LRRC27: variants seen among roughly 807,000 people sequenced by gnomAD.
LRRC27 encodes the protein leucine rich repeat containing 27.
In LRRC27, 57 loss-of-function variants were observed where a neutral mutation model predicts 55.0. The observed-to-expected ratio is 1.04, with a 90% CI of 0.84 to 1.29. LRRC27 has a LOEUF of 1.29. Ranked by LOEUF, LRRC27 falls within the 50% of genes most tolerant of loss-of-function variation. The pLI, the probability that LRRC27 is intolerant of heterozygous loss-of-function variation, is 0.00. For synonymous variants in LRRC27, 278 were observed against 251.9 expected (o/e 1.10, Z -0.98); for missense variants, 721 against 651.5 (o/e 1.11, Z -1.16).
chr10:132,335,330 G>C (rs1485074218), intron 2 of LRRC27: 1 of 152,200 alleles, frequency 6.6e-6, no homozygotes, highest in Non-Finnish European at 1.5e-5. Context: ...GTTGGGTAGG[G>C]GCTGTAGGGC....
rs934584572 is a variant in LRRC27, at chr10:132,353,588, C to T, written c.1073+1835C>T. 7.2e-5 allele frequency among the ~76,000 whole-genome samples: 11 copies of T among 152,322 alleles called. No homozygotes were observed. The Middle Eastern group carries it at 0.01, about 141-fold the overall frequency. On this transcript the variant is annotated intron_variant, in intron 7 of 10. Transcript: ENST00000368614. ...CCCCTGTCCCAGGCTGTCATACTGACGGGCAAGGATGAGGCTGACTGACCG... is the reference window on the plus strand; with the variant it reads ...CCCCTGTCCCAGGCTGTCATACTGATGGGCAAGGATGAGGCTGACTGACCG...
chr10:132,361,330 T>C, intron 8 of LRRC27, 127 bp from the exon 9 acceptor site: 1 of 772,472 alleles, frequency 1.3e-6, no homozygotes, highest in Non-Finnish European at 2.3e-6. Flanking sequence ...AGGGACCGTC[T>C]ACCCGGGGCG....
Position 132,372,134 on chromosome 10 carries a change from C to CA in LRRC27, c.1417-2931dup, listed in dbSNP as rs1243141196. Among the ~76,000 whole-genome samples, 16 of 151,860 alleles carry CA rather than the reference C, an allele frequency of 1.1e-4. No individual in the cohort carries two copies. Among genetic ancestry groups the CA allele is most frequent in the Non-Finnish European group, 2.1e-4 (14 of 68,002 alleles). ...AAGTGGGGGTCGGGGTGCGGTGGCT[C>CA]ACGCCTGCAATCCCAGTTGAAAAGC... is the stretch of plus-strand genomic sequence containing the variant. On this transcript the variant is annotated intron_variant, in intron 10 of 10. Coordinates refer to ENST00000368614, the MANE Select transcript of LRRC27 (RefSeq NM_030626.3). The surrounding 1 kb of genome is among the most constrained non-coding windows in gnomAD (Gnocchi z 4.0).
intron 9 of LRRC27, among the ~76,000 whole-genome samples, chr10:132,364,533 A>ACC (rs1564853957): frequency 1.7e-4 from 1 of 5,968 alleles, no homozygotes; most frequent in East Asian, 0.013. Context: ...TTACACCCAC[A>ACC]CTTAAATCTA....
upstream of LRRC27, chr10:132,330,571 AATCAT>A: frequency 1.4e-6 from 1 of 711,730 alleles, no homozygotes; most frequent in East Asian, 2.7e-5. Context: ...TAAGTGGCAC[AATCAT>A]AACTCACTGC....
chr10:132,380,339 T>A lies in LRRC27; in HGVS notation c.*5097T>A, dbSNP rs2069395264. ...GCATTAAATTATAACTGCATGAAATTAACTGCAGTCCACAGTGTGCTGCTG... is the reference window on the plus strand; with the variant it reads ...GCATTAAATTATAACTGCATGAAATAAACTGCAGTCCACAGTGTGCTGCTG... On this transcript the variant is annotated 3_prime_UTR_variant, in exon 11 of 11. Transcript: ENST00000368614. Among the ~76,000 whole-genome samples the A allele has an allele frequency of 6.6e-6, 1 of 151,692 alleles. No homozygotes were observed. The highest frequency in any genetic ancestry group is 1.5e-5 in the Non-Finnish European group (1 of 67,994).
chr10:132,347,643 G>A (rs1286550183), intron 5 of LRRC27, among the ~76,000 whole-genome samples: 1 of 148,548 alleles, frequency 6.7e-6, no homozygotes. Context: ...GTGCTCAGTG[G>A]GGCCTGGTGG....
intron 10 of LRRC27, among the ~76,000 whole-genome samples, chr10:132,368,813 C>T (rs1394757794): frequency 6.6e-6 from 1 of 152,150 alleles, no homozygotes; most frequent in Non-Finnish European, 1.5e-5. Context: ...GGCTTCATTA[C>T]AATCAAAAAC....
chr10:132,381,128 C>T lies in LRRC27; in HGVS notation c.*5886C>T, dbSNP rs548991453. 2.6e-5 allele frequency among the ~76,000 whole-genome samples: 4 copies of T among 152,314 alleles called. No individual in the cohort carries two copies. Among genetic ancestry groups the T allele is most frequent in the Admixed American group, 2.6e-4 (4 of 15,304 alleles). ...AGTCAGTGGACTGGGAGAAGACCCA[C>T]CACAGTGTGGGCAGGCACCATCCAG... On this transcript the variant is annotated 3_prime_UTR_variant, in exon 11 of 11. Transcript: ENST00000368614.
At chr10:132,349,606 G>T (rs1454341099) in intron 6 of LRRC27, among the ~76,000 whole-genome samples, 2 of 152,154 alleles carry the variant, frequency 1.3e-5, no homozygotes, top group African/African-American at 4.8e-5. Flanking sequence ...TTTATTTATT[G>T]TTAGGGACCC....
intron 5 of LRRC27, among the ~76,000 whole-genome samples, chr10:132,347,108 C>T (rs2067741946): frequency 6.6e-6 from 1 of 152,240 alleles, no homozygotes; most frequent in African/African-American, 2.4e-5. Flanking sequence ...ACAAAAGCAT[C>T]ACCAAACAAG....
At chr10:132,365,312 C>T (rs982787779) in intron 9 of LRRC27, 112 bp from the exon 10 acceptor site, 23 of 1,430,110 alleles carry the variant, frequency 1.6e-5, no homozygotes, top group African/African-American at 1.5e-4. Flanking sequence ...GCCTCAGGAC[C>T]GCTGTTTGGT....
At chr10:132,353,227 C>T (rs1405681016) in intron 7 of LRRC27, 2 of 1,327,036 alleles carry the variant, frequency 1.5e-6, no homozygotes, top group African/African-American at 1.5e-5. Context: ...TGTGAGCTGC[C>T]TGGAGCTGGC....
upstream of LRRC27, chr10:132,331,375 TCC>T: frequency 6.6e-7 from 1 of 1,526,600 alleles, no homozygotes. Flanking sequence ...GCACCTCCCC[TCC>T]CGCCCGGTGT....
chr10:132,361,840 C>A (rs1306108550), intron 9 of LRRC27, among the ~76,000 whole-genome samples: 2 of 152,102 alleles, frequency 1.3e-5, no homozygotes, highest in Non-Finnish European at 2.9e-5. Flanking sequence ...CTCCCGAGCC[C>A]TCTGTAGTGG....
intron 10 of LRRC27, among the ~76,000 whole-genome samples, chr10:132,368,999 G>C (rs955320116): frequency 7.9e-5 from 12 of 152,154 alleles, no homozygotes; most frequent in African/African-American, 2.7e-4. Flanking sequence ...AATCTGCAGA[G>C]ACACCTCATC....
Position 132,378,513 on chromosome 10 carries a change from GC to G in LRRC27, c.*3274del, listed in dbSNP as rs1035977472. Reference sequence around the variant, plus strand: ...TGCGTACGAGTGTGTGCATGTGTGCGCCCGTGTGTATGTGCATATGTGAGTG... The same window carrying G: ...TGCGTACGAGTGTGTGCATGTGTGCGCCGTGTGTATGTGCATATGTGAGTG... On this transcript the variant is annotated 3_prime_UTR_variant, in exon 11 of 11. Transcript: ENST00000368614. The G allele has an allele frequency of 6.6e-6, 1 of 151,954 alleles. No individual in the cohort carries two copies. The highest frequency in any genetic ancestry group is 2.4e-5 in the African/African-American group (1 of 41,326). 9.4% of individuals were successfully genotyped at this position (151,954 alleles called of 1,614,324 possible).
At chr10:132,368,135 T>C (rs2069138891) in intron 10 of LRRC27, among the ~76,000 whole-genome samples, 1 of 152,136 alleles carries the variant, frequency 6.6e-6, no homozygotes, top group Non-Finnish European at 1.5e-5. Context: ...TAAGTAAAAA[T>C]CTAACAAAAT....
intron 8 of LRRC27, 50 bp from the exon 9 acceptor site, chr10:132,361,407 A>G: frequency 6.7e-7 from 1 of 1,488,672 alleles, no homozygotes; most frequent in Middle Eastern, 1.7e-4. Context: ...GCTTTGTGGA[A>G]AAACATCATC....
Sources: allele counts gnomAD v4.1 joint callset (sites outside exome capture counted in the v4.1 genomes callset), GRCh38; gene constraint gnomAD v4.1.1; non-coding constraint Gnocchi (gnomAD v3.1); transcripts MANE v1.5; gene names NCBI Gene and HGNC (gene_info 2026-07-23, HGNC 2026-07-21).